Variants in ODAD2 observed in about 807,000 individuals in gnomAD.
ODAD2 encodes the protein outer dynein arm-docking complex subunit 2.
ODAD2 carries 89 observed loss-of-function variants against 106.8 expected under a neutral mutation model. The observed-to-expected ratio is 0.83, with a 90% confidence interval of 0.70 to 0.99. The LOEUF is 0.99. ODAD2 is among the 50% of genes least tolerant of loss of function. The pLI is 0.00. For synonymous variants in ODAD2, 404 were observed against 436.2 expected (o/e 0.93, Z 0.92); for missense variants, 1,168 against 1,238.5 (o/e 0.94, Z 0.85).
In ODAD2 at chr10:27,850,436, C is replaced by T. The variant is rs185635557; in HGVS notation, c.3021+10189G>A. Among the ~76,000 whole-genome samples, 464 of 118,820 alleles carry T rather than the reference C, an allele frequency of 3.9e-3. 2 individuals carry two copies. Among genetic ancestry groups the T allele is most frequent in the East Asian group, 0.011 (46 of 4,298 alleles). The allele number at this position is 118,820 out of a possible 152,430, so 78.0% of individuals were successfully genotyped here. A position where few individuals can be genotyped will look rare whatever the true frequency, so the allele number is the denominator to read the frequency against. ...CTCCAGCCTGGGCGACAGAGCGAGACTCCGTCTCAAAAAAAAAAAAAAAAA... is the reference window on the plus strand; with the variant it reads ...CTCCAGCCTGGGCGACAGAGCGAGATTCCGTCTCAAAAAAAAAAAAAAAAA... On this transcript the variant is annotated intron_variant, in intron 19 of 19. Coordinates refer to ENST00000305242, the MANE Select transcript of ODAD2 (RefSeq NM_018076.5).
chr10:27,881,118 T>C (rs1841676459), intron 17 of ODAD2, among the ~76,000 whole-genome samples: 1 of 152,232 alleles, frequency 6.6e-6, no homozygotes, highest in African/African-American at 2.4e-5. Flanking sequence ...TTCAGGATTG[T>C]TAAAAGGATA....
At chr10:27,932,647 T>C (rs996545351) in intron 16 of ODAD2, among the ~76,000 whole-genome samples, 10 of 152,206 alleles carry the variant, frequency 6.6e-5, no homozygotes, top group Admixed American at 3.9e-4. Context: ...GTCTGATATG[T>C]TCATGCAAGC....
At chr10:27,938,262 G>C (rs906450852) in intron 14 of ODAD2, among the ~76,000 whole-genome samples, 1 of 152,132 alleles carries the variant, frequency 6.6e-6, no homozygotes, top group African/African-American at 2.4e-5. Flanking sequence ...TTTGGAGACA[G>C]AGTTTTTAAA....
At chr10:27,817,462 G>T (rs1189943914) in intron 19 of ODAD2, among the ~76,000 whole-genome samples, 1 of 152,102 alleles carries the variant, frequency 6.6e-6, no homozygotes, top group Non-Finnish European at 1.5e-5. Context: ...AGTGAACACT[G>T]CACCCAATAG....
At chr10:27,881,485 A>C (rs2133566940) in intron 17 of ODAD2, among the ~76,000 whole-genome samples, 1 of 152,172 alleles carries the variant, frequency 6.6e-6, no homozygotes, top group East Asian at 1.9e-4. Context: ...AAAAAATTAA[A>C]AATTAACTGG....
chr10:27,814,393 C>A (rs1241165323), intron 19 of ODAD2, among the ~76,000 whole-genome samples: 2 of 152,156 alleles, frequency 1.3e-5, no homozygotes, highest in Admixed American at 6.5e-5. Flanking sequence ...AAGAAAGGAA[C>A]AATGCAAAAC....
At chr10:27,940,536 C>T (rs748075641) in intron 13 of ODAD2, 27 bp downstream of exon 13, 2 of 1,608,070 alleles carry the variant, frequency 1.2e-6, no homozygotes, top group Admixed American at 1.7e-5. Flanking sequence ...GTTGAGAAGG[C>T]AAGGGAAGCA....
intron 15 of ODAD2, 148 bp from the exon 16 acceptor site, chr10:27,935,400 T>C (rs573975924): frequency 5.4e-6 from 6 of 1,103,270 alleles, no homozygotes; most frequent in African/African-American, 4.7e-5. Context: ...GCTTGGTAAA[T>C]AGTAGAGCTG....
At chr10:27,928,638 G>T (rs978915184) in intron 16 of ODAD2, among the ~76,000 whole-genome samples, 1 of 151,952 alleles carries the variant, frequency 6.6e-6, no homozygotes, top group African/African-American at 2.4e-5. Context: ...TTCAATTTAT[G>T]GCAAATTAAA....
At chr10:27,977,135 A>C (rs894628146) in intron 7 of ODAD2, among the ~76,000 whole-genome samples, 1 of 152,200 alleles carries the variant, frequency 6.6e-6, no homozygotes, top group Admixed American at 6.5e-5. Flanking sequence ...AAAAATCTCT[A>C]GAAGAAAACA....
intron 14 of ODAD2, 116 bp from the exon 15 acceptor site, chr10:27,936,996 C>A: frequency 1.1e-6 from 1 of 925,516 alleles, no homozygotes; most frequent in Non-Finnish European, 1.6e-6. Context: ...AGATCATTTT[C>A]GAAAGATGCC....
At chr10:27,924,496 A>G (rs1279005195) in intron 16 of ODAD2, among the ~76,000 whole-genome samples, 1 of 150,636 alleles carries the variant, frequency 6.6e-6, no homozygotes, top group East Asian at 1.9e-4. Flanking sequence ...GAATAAAGAT[A>G]AAACCAGAAA....
chr10:27,835,382 T>C (rs1039649586), intron 19 of ODAD2, among the ~76,000 whole-genome samples: 3 of 152,198 alleles, frequency 2.0e-5, no homozygotes, highest in African/African-American at 7.2e-5. Flanking sequence ...CTCACACCTG[T>C]AGCCTGAACT....
chr10:27,885,281 G>A (rs1384805666), intron 17 of ODAD2, among the ~76,000 whole-genome samples: 1 of 150,918 alleles, frequency 6.6e-6, no homozygotes, highest in East Asian at 2.0e-4. Context: ...GGAGGTCGAG[G>A]TGGGCAGATC....
chr10:27,939,443 C>T (rs1295177101), intron 14 of ODAD2, among the ~76,000 whole-genome samples: 3 of 152,074 alleles, frequency 2.0e-5, no homozygotes, highest in Admixed American at 6.6e-5. Flanking sequence ...AGGCCGGGCA[C>T]GGTGGCTTAT....
chr10:27,901,926 G>T (rs576915476), intron 17 of ODAD2, among the ~76,000 whole-genome samples: 104 of 152,172 alleles, frequency 6.8e-4, no homozygotes, highest in African/African-American at 2.5e-3. Flanking sequence ...GGATATTCGG[G>T]ACTTGAACTC....
At chr10:27,996,487 C>T (rs542234328) in intron 1 of ODAD2, among the ~76,000 whole-genome samples, 2 of 151,722 alleles carry the variant, frequency 1.3e-5, no homozygotes, top group South Asian at 2.1e-4. Flanking sequence ...TGTTGAGGAC[C>T]GACAATGTAA....
intron 12 of ODAD2, among the ~76,000 whole-genome samples, chr10:27,941,355 C>T (rs946159807): frequency 1.3e-5 from 2 of 150,720 alleles, no homozygotes; most frequent in Non-Finnish European, 2.9e-5. Flanking sequence ...TGTGGTGGTG[C>T]ATGTGTGTAG....
intron 19 of ODAD2, among the ~76,000 whole-genome samples, chr10:27,821,943 G>A (rs1564396423): frequency 6.6e-6 from 1 of 152,106 alleles, no homozygotes; most frequent in Non-Finnish European, 1.5e-5. Flanking sequence ...TACACTGAAG[G>A]AAAACTAGCC....
Sources: allele counts gnomAD v4.1 joint callset (sites outside exome capture counted in the v4.1 genomes callset), GRCh38; gene constraint gnomAD v4.1.1; transcripts MANE v1.5; gene names NCBI Gene and HGNC (gene_info 2026-07-23, HGNC 2026-07-21).